Variants in PHF20 observed in about 807,000 individuals in gnomAD.
PHF20 encodes PHD finger protein 20.
A neutral mutation model predicts 113.5 loss-of-function variants in PHF20; 23 were observed. The observed-to-expected ratio is 0.20, with a 90% CI of 0.15 to 0.29. The LOEUF is 0.29. Ranked by LOEUF, PHF20 falls within the 10% of genes least tolerant of loss-of-function variation. PHF20 has a pLI of 1.00. For missense variants in PHF20, 943 were observed against 1,219.6 expected, an observed-to-expected ratio of 0.77 and a Z score of 3.38; for synonymous variants, 434 against 457.3, an observed-to-expected ratio of 0.95 and a Z score of 0.65.
chr20:35,904,033 A>T (rs1333687668), intron 10 of PHF20, among the ~76,000 whole-genome samples: 1 of 148,116 alleles, frequency 6.8e-6, no homozygotes, highest in Admixed American at 6.7e-5. Context: ...TTGTGGTTTC[A>T]CCTCAGGCTT....
intron 10 of PHF20, among the ~76,000 whole-genome samples, chr20:35,904,277 ATTTTTTTT>A (rs34412788): frequency 1.1e-4 from 11 of 98,924 alleles, no homozygotes; most frequent in African/African-American, 3.7e-4. Context: ...GAATGCTCTG[ATTTTTTTT>A]TTTTTTTTTT....
Position 35,897,638 on chromosome 20 carries a change from C to T in PHF20, c.1283-1732C>T, listed in dbSNP as rs527610197. ...CTCGAGTGCAGAGGTGCGATCTCGG[C>T]TCACTGCAAACTCCGCCTCCTGGGT... On this transcript the variant is annotated intron_variant, in intron 9 of 17. Transcript: ENST00000374012. Among the ~76,000 whole-genome samples, 39 of 145,026 alleles carry T rather than the reference C, an allele frequency of 2.7e-4. 1 individual carries two copies. Among genetic ancestry groups the T allele is most frequent in the African/African-American group, 1.0e-3 (39 of 38,728 alleles).
chr20:35,903,021 CT>C (rs370237613), intron 10 of PHF20, among the ~76,000 whole-genome samples: 1,397 of 91,444 alleles, frequency 0.015, 16 homozygotes, highest in Non-Finnish European at 0.026. Context: ...TTTCTTTTTT[CT>C]TTTTTTTTTT....
chr20:35,895,529 G>A (rs2054962902), intron 9 of PHF20, among the ~76,000 whole-genome samples: 1 of 152,102 alleles, frequency 6.6e-6, no homozygotes, highest in Non-Finnish European at 1.5e-5. Flanking sequence ...TCAAGGGAAG[G>A]ATATTCCAAA....
chr20:35,852,455 T>C (rs1337095823), intron 4 of PHF20, among the ~76,000 whole-genome samples: 1 of 152,088 alleles, frequency 6.6e-6, no homozygotes, highest in Non-Finnish European at 1.5e-5. Flanking sequence ...GGAGTGGGAA[T>C]AGATGAGTGT....
At chr20:35,912,073 C>T (rs574934202) in intron 10 of PHF20, among the ~76,000 whole-genome samples, 6 of 151,972 alleles carry the variant, frequency 3.9e-5, no homozygotes, top group African/African-American at 1.4e-4. Context: ...CTCCGCCTCC[C>T]GTGTTCAAGC....
intron 9 of PHF20, among the ~76,000 whole-genome samples, chr20:35,895,771 C>T (rs1451915936): frequency 2.0e-5 from 3 of 148,266 alleles, no homozygotes; most frequent in African/African-American, 7.5e-5. Flanking sequence ...CTGCAACCTT[C>T]GCCTCCCAGG....
At chr20:35,926,389 C>T (rs893281724) in intron 13 of PHF20, among the ~76,000 whole-genome samples, 6 of 151,672 alleles carry the variant, frequency 4.0e-5, no homozygotes, top group African/African-American at 9.7e-5. Flanking sequence ...AGGCGCCCGC[C>T]ACCACGCCCG....
rs191975261 is a variant in PHF20, at chr20:35,928,070, C to T, written c.2104+191C>T. On this transcript the variant is annotated intron_variant, in intron 14 of 17. Transcript: ENST00000374012. ...TCCTGAACGTAGCAATAAGAGCACA[C>T]GTGTGAAGGGGCCCACCTAGTGGAA... Among the ~76,000 whole-genome samples the T allele has an allele frequency of 5.3e-4, 80 of 152,310 alleles. No individual in the cohort carries two copies. The East Asian group carries it at 7.9e-3, about 15-fold the overall frequency.
intron 2 of PHF20, among the ~76,000 whole-genome samples, chr20:35,820,135 G>T (rs545713610): frequency 6.6e-6 from 1 of 152,276 alleles, no homozygotes; most frequent in Non-Finnish European, 1.5e-5. Context: ...TCAGTACCTA[G>T]AATAAAGTCC....
intron 9 of PHF20, among the ~76,000 whole-genome samples, chr20:35,877,614 T>G (rs1181691951): frequency 6.6e-6 from 1 of 151,222 alleles, no homozygotes. Context: ...GTCTCACTCT[T>G]TTGCCCACGC....
At chr20:35,852,469 A>G (rs1384485483) in intron 4 of PHF20, among the ~76,000 whole-genome samples, 2 of 152,146 alleles carry the variant, frequency 1.3e-5, no homozygotes, top group Non-Finnish European at 2.9e-5. Flanking sequence ...TGAGTGTTGT[A>G]TTGGCCACAG....
intron 2 of PHF20, among the ~76,000 whole-genome samples, chr20:35,806,142 C>T (rs1239281398): frequency 2.0e-5 from 3 of 150,204 alleles, no homozygotes; most frequent in East Asian, 1.9e-4. Flanking sequence ...GGATTACAAG[C>T]GTGAGCCACC....
chr20:35,877,536 G>A (rs1160192969), intron 9 of PHF20, among the ~76,000 whole-genome samples: 7 of 150,038 alleles, frequency 4.7e-5, no homozygotes, highest in Middle Eastern at 3.4e-3. Context: ...TGCAACCTCC[G>A]CCTCCCAGGT....
At chr20:35,909,620 T>A (rs879617799) in intron 10 of PHF20, among the ~76,000 whole-genome samples, 1 of 152,236 alleles carries the variant, frequency 6.6e-6, no homozygotes, top group Non-Finnish European at 1.5e-5. Context: ...AAATGAGTGC[T>A]TTTACAAATT....
intron 16 of PHF20, among the ~76,000 whole-genome samples, chr20:35,940,387 C>T (rs1600973583): frequency 6.6e-6 from 1 of 152,026 alleles, no homozygotes; most frequent in South Asian, 2.1e-4. Flanking sequence ...TACCCTATTT[C>T]ATCCTCATGA....
chr20:35,860,478 G>A (rs1024425470), intron 5 of PHF20, among the ~76,000 whole-genome samples: 1 of 152,110 alleles, frequency 6.6e-6, no homozygotes, highest in Non-Finnish European at 1.5e-5. Flanking sequence ...CTGACCTCGG[G>A]TGATCTGCCT....
chr20:35,819,109 T>C (rs1273311118), intron 2 of PHF20, among the ~76,000 whole-genome samples: 1 of 152,006 alleles, frequency 6.6e-6, no homozygotes, highest in Non-Finnish European at 1.5e-5. Context: ...TTTTGTATTT[T>C]TAGTAGAGAC....
At chr20:35,873,475 T>G (rs868203419) in intron 9 of PHF20, among the ~76,000 whole-genome samples, 13 of 148,588 alleles carry the variant, frequency 8.7e-5, no homozygotes, top group South Asian at 6.4e-4. Flanking sequence ...TGTTTTTTTT[T>G]TTTTTTTTTT....
Sources: gnomAD v4.1 joint callset for allele counts (sites outside exome capture counted in the v4.1 genomes callset) on GRCh38, gnomAD v4.1.1 for gene constraint, MANE v1.5 for transcripts, NCBI Gene and HGNC (gene_info 2026-07-23, HGNC 2026-07-21) for gene names.